The following FAF1 variants were observed in gnomAD, a reference collection of about 807,000 sequenced individuals.
The protein encoded by FAF1 is FAS-associated factor 1.
A neutral mutation model predicts 92.5 loss-of-function variants in FAF1; 25 were observed. The ratio of observed to expected loss-of-function variants is 0.27; its 90% CI spans 0.20 to 0.38. The LOEUF (loss-of-function observed/expected upper bound fraction) is 0.38. Ranked by LOEUF, FAF1 falls within the 10% of genes least tolerant of loss-of-function variation. The probability of loss-of-function intolerance (pLI) is 1.00; values close to 1 mark genes in which losing one functional copy is unlikely to be tolerated. For missense variants in FAF1, 636 were observed against 793.3 expected, an observed-to-expected ratio of 0.80 and a Z score of 2.38; for synonymous variants, 234 against 273.2, an observed-to-expected ratio of 0.86 and a Z score of 1.42.
At chr1:50,604,337 A>G (rs1391386933) in intron 8 of FAF1, among the ~76,000 whole-genome samples, 1 of 152,150 alleles carries the variant, frequency 6.6e-6, no homozygotes, top group East Asian at 1.9e-4. Flanking sequence ...CATCCCCAAC[A>G]GATTCCAAAT....
intron 7 of FAF1, among the ~76,000 whole-genome samples, chr1:50,688,145 A>T (rs1403169923): frequency 2.0e-5 from 3 of 151,120 alleles, no homozygotes; most frequent in Admixed American, 1.3e-4. Context: ...CAAAAAAAAT[A>T]AATAAATAAA....
At chr1:50,461,203 C>A (rs754003100) in intron 18 of FAF1, among the ~76,000 whole-genome samples, 1 of 152,110 alleles carries the variant, frequency 6.6e-6, no homozygotes, top group Non-Finnish European at 1.5e-5. Context: ...GAATAATATT[C>A]TAATTTCTTA....
intron 8 of FAF1, among the ~76,000 whole-genome samples, chr1:50,639,849 G>A (rs903247680): frequency 1.3e-5 from 2 of 149,106 alleles, no homozygotes; most frequent in Non-Finnish European, 3.0e-5. Context: ...CAGAAGAATC[G>A]CTTAAACCTG....
At chr1:50,630,505 C>T (rs1248328731) in intron 8 of FAF1, among the ~76,000 whole-genome samples, 2 of 152,182 alleles carry the variant, frequency 1.3e-5, no homozygotes, top group Non-Finnish European at 2.9e-5. Context: ...TGCAGTCTCC[C>T]CACATTTTTT....
chr1:50,724,674 A>G (rs1300401465), intron 6 of FAF1, among the ~76,000 whole-genome samples: 1 of 152,180 alleles, frequency 6.6e-6, no homozygotes, highest in African/African-American at 2.4e-5. Context: ...CCTCCATTCT[A>G]GATTTGTTTC....
chr1:50,634,609 C>T (rs914804434), intron 8 of FAF1, among the ~76,000 whole-genome samples: 2 of 152,070 alleles, frequency 1.3e-5, no homozygotes, highest in African/African-American at 4.8e-5. Context: ...CAAAAAAGAA[C>T]CTGTTTGTGG....
chr1:50,723,117 AGGGCT>A (rs1658482397), intron 6 of FAF1, among the ~76,000 whole-genome samples: 1 of 152,082 alleles, frequency 6.6e-6, no homozygotes, highest in Non-Finnish European at 1.5e-5. Flanking sequence ...AAACAGGATG[AGGGCT>A]GGGTGTGGTG....
chr1:50,759,961 T>C (rs2124525676), intron 4 of FAF1, among the ~76,000 whole-genome samples: 1 of 152,352 alleles, frequency 6.6e-6, no homozygotes, highest in East Asian at 1.9e-4. Flanking sequence ...TTTTGAGAAG[T>C]GTCTGTTCAT....
intron 1 of FAF1, among the ~76,000 whole-genome samples, chr1:50,886,769 A>G (rs1240939071): frequency 6.6e-6 from 1 of 152,218 alleles, no homozygotes; most frequent in African/African-American, 2.4e-5. Context: ...TTCTTAATCC[A>G]GTCTATCATT....
At chr1:50,935,191 T>C (rs1026214525) in intron 1 of FAF1, among the ~76,000 whole-genome samples, 2 of 152,150 alleles carry the variant, frequency 1.3e-5, no homozygotes, top group Non-Finnish European at 2.9e-5. Flanking sequence ...AAACAAAAAT[T>C]AAGATAACTA....
intron 1 of FAF1, among the ~76,000 whole-genome samples, chr1:50,927,754 A>T (rs1645017474): frequency 6.6e-6 from 1 of 152,134 alleles, no homozygotes; most frequent in Non-Finnish European, 1.5e-5. Flanking sequence ...TGAGACTAGA[A>T]ATCCAATATC....
At chr1:50,774,204 T>C (rs1474032955) in intron 4 of FAF1, among the ~76,000 whole-genome samples, 1 of 152,202 alleles carries the variant, frequency 6.6e-6, no homozygotes, top group East Asian at 1.9e-4. Context: ...ATAATCAATT[T>C]CATTGTCATT....
chr1:50,559,895 A>G (rs1283225868), intron 13 of FAF1, among the ~76,000 whole-genome samples: 2 of 152,220 alleles, frequency 1.3e-5, no homozygotes, highest in Non-Finnish European at 2.9e-5. Flanking sequence ...TACTGGAAGG[A>G]AAATGTTGCA....
intron 7 of FAF1, among the ~76,000 whole-genome samples, chr1:50,683,265 G>T (rs987049258): frequency 3.3e-5 from 5 of 151,594 alleles, no homozygotes; most frequent in African/African-American, 1.2e-4. Context: ...GGTGGCTCAC[G>T]CCTGTAATCC....
intron 1 of FAF1, among the ~76,000 whole-genome samples, chr1:50,867,634 C>T (rs893656198): frequency 3.3e-5 from 5 of 152,086 alleles, no homozygotes; most frequent in Non-Finnish European, 1.5e-5. Context: ...AATGCGATAC[C>T]ACTTTACTCT....
intron 2 of FAF1, among the ~76,000 whole-genome samples, chr1:50,819,638 T>TCACACA (rs375892280): frequency 0.092 from 9,031 of 97,678 alleles, 873 homozygotes; most frequent in South Asian, 0.1. Context: ...ACTGACTCAC[T>TCACACA]CACACACACA....
intron 2 of FAF1, among the ~76,000 whole-genome samples, chr1:50,829,368 T>C (rs1644132903): frequency 6.6e-6 from 1 of 152,100 alleles, no homozygotes; most frequent in African/African-American, 2.4e-5. Flanking sequence ...GCATTATCCT[T>C]CCATTTCTTT....
chr1:50,939,837 CA>C (rs1462742866), intron 1 of FAF1, among the ~76,000 whole-genome samples: 1 of 152,138 alleles, frequency 6.6e-6, no homozygotes, highest in Non-Finnish European at 1.5e-5. Context: ...TATTGAAGGT[CA>C]TTTTGAAGTA....
intron 2 of FAF1, among the ~76,000 whole-genome samples, chr1:50,831,531 T>C (rs1303615175): frequency 1.3e-5 from 2 of 152,128 alleles, no homozygotes; most frequent in Non-Finnish European, 2.9e-5. Context: ...ACCGTCCCCT[T>C]GTACAGTGTT....
Sources: allele counts gnomAD v4.1 joint callset (sites outside exome capture counted in the v4.1 genomes callset), GRCh38; gene constraint gnomAD v4.1.1; transcripts MANE v1.5; gene names NCBI Gene and HGNC (gene_info 2026-07-23, HGNC 2026-07-21).